ARB2A: variants seen among roughly 807,000 people sequenced by gnomAD.
ARB2A encodes ARB2 cotranscriptional regulator A.
chr5:93,901,534 T>C, the ARB2A span, among the ~76,000 whole-genome samples: 5 of 152,182 alleles, frequency 3.3e-5, no homozygotes, highest in Non-Finnish European at 7.3e-5. Flanking sequence ...TATTCATAAA[T>C]ATTCACTTAC....
At chr5:93,808,066 T>C in the ARB2A span, among the ~76,000 whole-genome samples, 1 of 152,022 alleles carries the variant, frequency 6.6e-6, no homozygotes, top group African/African-American at 2.4e-5. Flanking sequence ...AAGCACGTCC[T>C]GCAACCTAGG....
chr5:93,741,261 CG>C, the ARB2A span: 1 of 1,613,856 alleles, frequency 6.2e-7, no homozygotes, highest in Non-Finnish European at 8.5e-7. Context: ...TGTAGGGCCC[CG>C]GGAGGGCGCC....
At chr5:93,982,954 G>T in the ARB2A span, among the ~76,000 whole-genome samples, 1 of 152,138 alleles carries the variant, frequency 6.6e-6, no homozygotes, top group Non-Finnish European at 1.5e-5. Flanking sequence ...TACCTGGGAG[G>T]CTAAGGTAGG....
chr5:93,916,698 T>C, the ARB2A span, among the ~76,000 whole-genome samples: 3 of 152,190 alleles, frequency 2.0e-5, no homozygotes, highest in South Asian at 6.2e-4. Flanking sequence ...CCCCCTAAAC[T>C]ATGTACTTTC....
the ARB2A span, among the ~76,000 whole-genome samples, chr5:94,084,136 T>C: frequency 6.6e-6 from 1 of 151,562 alleles, no homozygotes; most frequent in Non-Finnish European, 1.5e-5. Flanking sequence ...TAGCCGGGCA[T>C]GGTGGCAGGC....
At chr5:94,038,057 T>A in the ARB2A span, among the ~76,000 whole-genome samples, 1 of 152,054 alleles carries the variant, frequency 6.6e-6, no homozygotes, top group African/African-American at 2.4e-5. Flanking sequence ...AATTTATTAA[T>A]TCTTAAAGAG....
At chr5:93,806,958 A>C in the ARB2A span, among the ~76,000 whole-genome samples, 1 of 151,998 alleles carries the variant, frequency 6.6e-6, no homozygotes, top group Non-Finnish European at 1.5e-5. Context: ...GAATTATGGT[A>C]GCAGAATTTA....
At chr5:93,694,139 T>G in the ARB2A span, among the ~76,000 whole-genome samples, 1 of 152,286 alleles carries the variant, frequency 6.6e-6, no homozygotes, top group African/African-American at 2.4e-5. Flanking sequence ...AAGACAAGGA[T>G]GCCCTCTCTC....
the ARB2A span, among the ~76,000 whole-genome samples, chr5:93,939,254 G>A: frequency 6.6e-6 from 1 of 152,020 alleles, no homozygotes. Context: ...GTACATCTGT[G>A]TATATGTGTG....
chr5:93,648,763 C>G, the ARB2A span, among the ~76,000 whole-genome samples: 1 of 152,202 alleles, frequency 6.6e-6, no homozygotes, highest in Non-Finnish European at 1.5e-5. Context: ...TCTGGCTACC[C>G]TATCAATATG....
chr5:94,044,716 A>C, the ARB2A span, among the ~76,000 whole-genome samples: 1 of 152,226 alleles, frequency 6.6e-6, no homozygotes, highest in South Asian at 2.1e-4. Context: ...CACAAGATAC[A>C]GGTCATAAAG....
chr5:94,101,149 T>C, the ARB2A span, among the ~76,000 whole-genome samples: 3 of 152,008 alleles, frequency 2.0e-5, no homozygotes, highest in Admixed American at 2.0e-4. Context: ...ACAAAAGACA[T>C]GAACAGATAC....
the ARB2A span, among the ~76,000 whole-genome samples, chr5:93,932,196 G>GAGA: frequency 0.011 from 1,729 of 152,186 alleles, 27 homozygotes; most frequent in African/African-American, 0.039. Context: ...TCTCATATTG[G>GAGA]TTCATGAGAA....
the ARB2A span, among the ~76,000 whole-genome samples, chr5:94,091,221 G>A: frequency 6.6e-6 from 1 of 152,054 alleles, no homozygotes; most frequent in East Asian, 1.9e-4. Context: ...AATAAATAAG[G>A]TTGTTTTAAA....
At chr5:93,708,537 T>C in the ARB2A span, among the ~76,000 whole-genome samples, 7 of 152,196 alleles carry the variant, frequency 4.6e-5, no homozygotes, top group Non-Finnish European at 7.3e-5. Context: ...AAGCTCAACC[T>C]AGATCCTTCG....
At chr5:94,083,421 A>G in the ARB2A span, among the ~76,000 whole-genome samples, 29 of 152,328 alleles carry the variant, frequency 1.9e-4, no homozygotes, top group African/African-American at 7.0e-4. Context: ...AAAGAAAACC[A>G]TAATAACTTC....
chr5:93,786,124 G>A, the ARB2A span, among the ~76,000 whole-genome samples: 3 of 152,160 alleles, frequency 2.0e-5, no homozygotes, highest in African/African-American at 4.8e-5. Flanking sequence ...ATATGTTTGC[G>A]TTTTAAAATA....
At chr5:93,990,321 A>G in the ARB2A span, among the ~76,000 whole-genome samples, 2 of 152,062 alleles carry the variant, frequency 1.3e-5, no homozygotes, top group Non-Finnish European at 2.9e-5. Context: ...ATGCCTCTTT[A>G]TATTTTTTCA....
At chr5:93,751,229 C>T in the ARB2A span, among the ~76,000 whole-genome samples, 1 of 151,904 alleles carries the variant, frequency 6.6e-6, no homozygotes, top group South Asian at 2.1e-4. Flanking sequence ...TATAATACAA[C>T]TGAATTCTGT....
Sources: gnomAD v4.1 joint callset for allele counts (sites outside exome capture counted in the v4.1 genomes callset) on GRCh38, gnomAD v4.1.1 for gene constraint, MANE v1.5 for transcripts, NCBI Gene and HGNC (gene_info 2026-07-23, HGNC 2026-07-21) for gene names.